Variants in C5 observed in about 807,000 individuals in gnomAD.
C5 encodes complement C5, also known as C3 and PZP-like alpha-2-macroglobulin domain-containing protein 4.
A neutral mutation model predicts 218.8 loss-of-function variants in C5; 140 were observed. The ratio of observed to expected loss-of-function variants is 0.64; its 90% CI spans 0.56 to 0.74. The LOEUF (loss-of-function observed/expected upper bound fraction) is 0.74. Among genes scored for constraint, C5 ranks in the 30% least tolerant of loss-of-function variants. The pLI, the probability that C5 is intolerant of heterozygous loss-of-function variation, is 0.00. For synonymous variants in C5, 614 were observed against 682.3 expected (o/e 0.90, Z 1.56); for missense variants, 1,700 against 1,969.6 (o/e 0.86, Z 2.59).
chr9:120,980,251 T>C lies in C5; in HGVS notation c.3490A>G (p.Ile1164Val), dbSNP rs749577770. The C allele has an allele frequency of 8.1e-6, 13 of 1,613,888 alleles. No homozygotes were observed. The highest frequency in any genetic ancestry group is 1.1e-5 in the Non-Finnish European group (13 of 1,179,930). ...KAFDICPLVKIDTALIKADNF... is the reference protein window; with the variant it reads ...KAFDICPLVKVDTALIKADNF... ...TCAGCTTTAATTAGAGCTGTGTCGATTTTCTGGAAACAAGAGAAGATACTT... is the reference window on the plus strand; with the variant it reads ...TCAGCTTTAATTAGAGCTGTGTCGACTTTCTGGAAACAAGAGAAGATACTT... Residue 1164 changes from isoleucine to valine, a missense_variant, in exon 28 of 41, where the codon ATC becomes GTC. Ile to Val is a conservative substitution (Grantham distance 29). Transcript: ENST00000223642.
intron 11 of C5, among the ~76,000 whole-genome samples, chr9:121,021,007 T>C (rs2047360638): frequency 6.6e-6 from 1 of 152,256 alleles, no homozygotes; most frequent in African/African-American, 2.4e-5. Flanking sequence ...TGTTACTAAG[T>C]TACTTTGTAA....
chr9:121,019,419 G>T (rs1464225655), intron 12 of C5, among the ~76,000 whole-genome samples: 4 of 151,952 alleles, frequency 2.6e-5, no homozygotes, highest in African/African-American at 9.7e-5. Flanking sequence ...TTTTTTTCTT[G>T]GTTTCACCAA....
chr9:121,015,870 C>T (rs10116271), intron 15 of C5, among the ~76,000 whole-genome samples: 79,295 of 151,912 alleles, frequency 0.52, 20,964 homozygotes, highest in East Asian at 0.74. Flanking sequence ...GAAGAGGTCT[C>T]GTAGAGGCGA....
intron 33 of C5, among the ~76,000 whole-genome samples, chr9:120,967,689 A>G (rs2046879075): frequency 6.6e-6 from 1 of 151,872 alleles, no homozygotes; most frequent in Non-Finnish European, 1.5e-5. Context: ...AAGTATATAC[A>G]TATTTTCAAA....
At chr9:120,999,268 T>C (rs1011619222) in intron 20 of C5, among the ~76,000 whole-genome samples, 1 of 152,074 alleles carries the variant, frequency 6.6e-6, no homozygotes. Flanking sequence ...TAAAACAAAC[T>C]ACCTGCAGAT....
intron 15 of C5, 136 bp downstream of exon 15, chr9:121,016,118 A>AT: frequency 8.5e-7 from 1 of 1,169,614 alleles, no homozygotes. Flanking sequence ...CCAGTGAAAC[A>AT]TTTTATACAG....
rs746407162 is a variant in C5, at chr9:120,976,751, G to T, written c.3813C>A (p.Ile1271=). The T allele has an allele frequency of 1.2e-6, 2 of 1,614,144 alleles. No individual in the cohort carries two copies. The highest frequency in any genetic ancestry group is 4.5e-5 in the East Asian group (2 of 44,880). ...LKDINYVNPV[I]KWLSEEQRYG... ...ACCTCTGCTCTTCTGATAGCCATTT[G>T]ATGACTGGGTTAACATAATTTATAT... Residue 1271 remains isoleucine (I), a synonymous_variant, in exon 29 of 41, where the codon ATC becomes ATA. Transcript: ENST00000223642.
intron 40 of C5, among the ~76,000 whole-genome samples, chr9:120,953,126 G>A (rs979251428): frequency 3.3e-5 from 5 of 152,218 alleles, no homozygotes; most frequent in African/African-American, 7.2e-5. Flanking sequence ...GGGTTTCACC[G>A]TGTTAGCCAC....
rs536329194 is a variant in C5 at position 121,025,649 on chromosome 9, G to A, written c.874-69C>T. Reference sequence around the variant, plus strand: ...TTATAAGGAAAAATTAATAAAATCTGCTTTTACTAACCTCTAAATTGAAGG... The same window carrying A: ...TTATAAGGAAAAATTAATAAAATCTACTTTTACTAACCTCTAAATTGAAGG... On this transcript the variant is annotated intron_variant, in intron 8 of 40. Transcript: ENST00000223642. 2.7e-6 allele frequency: 4 copies of A among 1,460,566 alleles called. No individual in the cohort carries two copies. In the South Asian group the frequency reaches 4.6e-5, roughly 17 times the overall value. 90.5% of individuals were successfully genotyped at this position (1,460,566 alleles called of 1,614,324 possible).
intron 28 of C5, chr9:120,979,763 C>T (rs924162192): frequency 2.4e-5 from 8 of 332,934 alleles, no homozygotes; most frequent in Non-Finnish European, 4.0e-5. Context: ...TGGTGGGCAC[C>T]TGTAGTCCCA....
intron 21 of C5, 89 bp from the exon 22 acceptor site, chr9:120,996,389 A>G (rs549239667): frequency 8.8e-7 from 1 of 1,139,930 alleles, no homozygotes; most frequent in East Asian, 2.3e-5. Context: ...CACTTTTCAA[A>G]CTAAAAAATT....
chr9:120,998,844 C>T (rs1378480434), intron 20 of C5, among the ~76,000 whole-genome samples: 2 of 152,124 alleles, frequency 1.3e-5, no homozygotes, highest in African/African-American at 4.8e-5. Flanking sequence ...ATAATAAATC[C>T]ATAAAATCCA....
At chr9:121,032,084 A>T in intron 6 of C5, 29 bp downstream of exon 6, 1 of 1,430,028 alleles carries the variant, frequency 7.0e-7, no homozygotes, top group Non-Finnish European at 9.9e-7. Context: ...ACAAAAAGCA[A>T]AGAAAAACTT....
chr9:121,021,654 A>G lies in C5; in HGVS notation c.1157T>C (p.Val386Ala). 6.2e-7 allele frequency: 1 copy of G among 1,613,656 alleles called. No homozygotes were observed. The highest frequency in any genetic ancestry group is 8.5e-7 in the Non-Finnish European group (1 of 1,179,838). Reference protein sequence around the residue: ...KDSLDQLVGGVPVTLNAQTID... With the variant: ...KDSLDQLVGGAPVTLNAQTID... The stretch of plus-strand genomic sequence containing the variant: ...TGTTTGTGCATTCAGTGTTACTGGG[A>G]CTCCTCCTACCAACTGGTCAAGCGA... The change falls in exon 11 of 41, where the codon GTC becomes GCC. Residue 386 changes from valine to alanine, a missense_variant. Transcript: ENST00000223642.
intron 25 of C5, among the ~76,000 whole-genome samples, chr9:120,984,877 A>G (rs1587960529): frequency 6.6e-6 from 1 of 152,048 alleles, no homozygotes; most frequent in East Asian, 1.9e-4. Context: ...ACGTGCCACC[A>G]TGCCAAGCTA....
intron 8 of C5, 193 bp from the exon 9 acceptor site, chr9:121,025,773 T>A: frequency 1.9e-6 from 1 of 529,504 alleles, no homozygotes; most frequent in Non-Finnish European, 3.4e-6. Flanking sequence ...TATAGAATTA[T>A]AGAAGTAGAA....
intron 11 of C5, 97 bp from the exon 12 acceptor site, chr9:121,020,276 A>G (rs2047353243): frequency 1.0e-6 from 1 of 1,002,316 alleles, no homozygotes; most frequent in South Asian, 1.3e-5. Context: ...ATAAATTTCT[A>G]AATTTCACAA....
intron 33 of C5, among the ~76,000 whole-genome samples, chr9:120,965,066 A>G (rs1386502420): frequency 6.6e-6 from 1 of 152,196 alleles, no homozygotes; most frequent in Non-Finnish European, 1.5e-5. Context: ...GAAGCTTGGG[A>G]GAGCAGTCAG....
chr9:121,037,101 A>G (rs187418652), intron 4 of C5, among the ~76,000 whole-genome samples: 33 of 152,160 alleles, frequency 2.2e-4, no homozygotes, highest in Non-Finnish European at 4.6e-4. Flanking sequence ...ATTACTGCCA[A>G]TCTTTAACTC....
Sources: allele counts gnomAD v4.1 joint callset (sites outside exome capture counted in the v4.1 genomes callset), GRCh38; gene constraint gnomAD v4.1.1; transcripts MANE v1.5; gene names NCBI Gene and HGNC (gene_info 2026-07-23, HGNC 2026-07-21).